The following KATNIP variants were observed in gnomAD, a reference collection of about 807,000 sequenced individuals.
KATNIP encodes the protein katanin interacting protein.
In KATNIP, 126 loss-of-function variants were observed where a neutral mutation model predicts 174.0. That is an observed-to-expected ratio of 0.72 (90% CI 0.63 to 0.84). The LOEUF (loss-of-function observed/expected upper bound fraction) is 0.84. Ranked by LOEUF, KATNIP falls within the 40% of genes least tolerant of loss-of-function variation. The pLI is 0.00. For synonymous variants in KATNIP, 810 were observed against 835.7 expected (o/e 0.97, Z 0.53); for missense variants, 1,958 against 2,109.7 (o/e 0.93, Z 1.41).
At chr16:27,662,331 C>T (rs2077555399) in intron 6 of KATNIP, among the ~76,000 whole-genome samples, 1 of 151,788 alleles carries the variant, frequency 6.6e-6, no homozygotes, top group Non-Finnish European at 1.5e-5. Context: ...ATAATGAAAG[C>T]TTTGTCAGTT....
chr16:27,575,786 C>G (rs2090475539), intron 2 of KATNIP, among the ~76,000 whole-genome samples: 1 of 152,216 alleles, frequency 6.6e-6, no homozygotes, highest in African/African-American at 2.4e-5. Context: ...ATCAGCCCAT[C>G]TAGGATGAGG....
At chr16:27,701,386 C>T (rs1034842588) in intron 10 of KATNIP, 8 of 495,124 alleles carry the variant, frequency 1.6e-5, no homozygotes, top group East Asian at 3.2e-5. Flanking sequence ...TTCCTAGGAG[C>T]GCCCTGGTCC....
intron 18 of KATNIP, among the ~76,000 whole-genome samples, chr16:27,756,893 C>G (rs2081752347): frequency 6.6e-6 from 1 of 152,180 alleles, no homozygotes; most frequent in Non-Finnish European, 1.5e-5. Context: ...TCTTGACATT[C>G]TCCCATTCAA....
At chr16:27,694,791 C>CAATAAATA (rs57439444) in intron 8 of KATNIP, among the ~76,000 whole-genome samples, 5,302 of 148,810 alleles carry the variant, frequency 0.036, 139 homozygotes, top group East Asian at 0.11. Flanking sequence ...GACCCTACCA[C>CAATAAATA]AATAAATAAA....
chr16:27,774,775 G>A lies in KATNIP; in HGVS notation c.4310-170G>A, dbSNP rs117946835. ...AGACACACCTGCTCCCCTTGGGCCCGGCACTCCCCGTTTCCCCAGGACACG... is the reference window on the plus strand; with the variant it reads ...AGACACACCTGCTCCCCTTGGGCCCAGCACTCCCCGTTTCCCCAGGACACG... On this transcript the variant is annotated intron_variant, in intron 23 of 27. Transcript: ENST00000261588. 4.5e-3 allele frequency among the ~76,000 whole-genome samples: 685 copies of A among 152,160 alleles called. 4 individuals carry two copies. Among genetic ancestry groups the A allele is most frequent in the Non-Finnish European group, 7.3e-3 (493 of 68,000 alleles).
intron 6 of KATNIP, among the ~76,000 whole-genome samples, chr16:27,673,576 T>A (rs1361439765): frequency 6.6e-6 from 1 of 152,224 alleles, no homozygotes; most frequent in Non-Finnish European, 1.5e-5. Flanking sequence ...TGGATCATTC[T>A]TTGTTGTGGG....
At chr16:27,762,675 G>A (rs926730617) in intron 19 of KATNIP, among the ~76,000 whole-genome samples, 2 of 152,218 alleles carry the variant, frequency 1.3e-5, no homozygotes, top group African/African-American at 2.4e-5. Flanking sequence ...CTCATGCAGA[G>A]TTGGTGGCAG....
In KATNIP at chr16:27,754,417, A is replaced by G. The variant is rs1438680620; in HGVS notation, c.3631+166A>G. The G allele has an allele frequency of 4.8e-6, 3 of 623,458 alleles. No homozygotes were observed. In the African/African-American group the frequency reaches 5.5e-5, roughly 11 times the overall value. The allele number at this position is 623,458 out of a possible 1,614,324, so 38.6% of individuals were successfully genotyped here. Reference sequence around the variant, plus strand: ...TGGAGGCTGAAACCAGCCTGCGCTCAGCTCCCTGGCCCTAGCAGGGCCACC... The same window carrying G: ...TGGAGGCTGAAACCAGCCTGCGCTCGGCTCCCTGGCCCTAGCAGGGCCACC... On this transcript the variant is annotated intron_variant, in intron 18 of 27. Coordinates refer to ENST00000261588, the MANE Select transcript of KATNIP (RefSeq NM_015202.5).
intron 5 of KATNIP, among the ~76,000 whole-genome samples, chr16:27,638,469 T>C (rs1469343819): frequency 2.0e-5 from 3 of 152,168 alleles, no homozygotes; most frequent in Non-Finnish European, 4.4e-5. Context: ...GAAGACAATC[T>C]TTCTATCCTA....
rs528270204 is a variant in KATNIP, at chr16:27,559,589, TG to T, written c.7+9415del. ...GTTTCAGCTACTCGGGAGGCTGAGG[TG>T]GGATCACCTTAGCCCAGGAGGTTGA... On this transcript the variant is annotated intron_variant, in intron 1 of 27. Transcript: ENST00000261588. 1.7e-4 allele frequency among the ~76,000 whole-genome samples: 26 copies of T among 150,810 alleles called. 1 individual carries two copies. In the South Asian group the frequency reaches 5.2e-3, roughly 30 times the overall value.
At chr16:27,673,269 G>A (rs1449134357) in intron 6 of KATNIP, among the ~76,000 whole-genome samples, 2 of 152,178 alleles carry the variant, frequency 1.3e-5, no homozygotes, top group Non-Finnish European at 2.9e-5. Context: ...GTTTTCTAGA[G>A]TACAGAGCAT....
At chr16:27,708,627 G>A (rs1032009796) in intron 12 of KATNIP, 78 bp from the exon 13 acceptor site, 2 of 1,135,342 alleles carry the variant, frequency 1.8e-6, no homozygotes, top group Non-Finnish European at 2.6e-6. Context: ...ACTTTTTGAA[G>A]GCAGTGGTGG....
At chr16:27,680,511 A>T (rs1469310768) in intron 7 of KATNIP, among the ~76,000 whole-genome samples, 1 of 152,142 alleles carries the variant, frequency 6.6e-6, no homozygotes, top group Non-Finnish European at 1.5e-5. Flanking sequence ...GAATTTCTTG[A>T]CATTTTTCAT....
At position 27,563,669 on chromosome 16, in the gene KATNIP, C is replaced by A. The variant is rs554058066; in HGVS notation, c.8-10232C>A. Among the ~76,000 whole-genome samples, 32 of 152,088 alleles carry A rather than the reference C, an allele frequency of 2.1e-4. No individual in the cohort carries two copies. The South Asian group carries it at 2.5e-3, about 12-fold the overall frequency. On this transcript the variant is annotated intron_variant, in intron 1 of 27. Transcript: ENST00000261588. ...CACAGGGAAACATTAGAAGTTCAGG[C>A]AGGCAAGTGGTAGGGTCTGGTTTTT...
chr16:27,676,251 C>A (rs1273189946), intron 6 of KATNIP, among the ~76,000 whole-genome samples: 1 of 152,208 alleles, frequency 6.6e-6, no homozygotes, highest in African/African-American at 2.4e-5. Context: ...CTTTCCACAG[C>A]ACTGTAGGAC....
At position 27,681,532 on chromosome 16, in the gene KATNIP, TAA is replaced by T; in HGVS notation, c.940+3_940+4del. 1 of 1,614,088 alleles carries T rather than the reference TAA, an allele frequency of 6.2e-7. No homozygotes were observed. Among genetic ancestry groups the T allele is most frequent in the Non-Finnish European group, 8.5e-7 (1 of 1,179,986 alleles). ...CAGACCAGGAGAGGATGTGCTCCAG[TAA>T]GAGTTCCGGGGGCCCCTGAGCAGGG... On this transcript the variant is annotated splice_donor_region_variant and intron_variant, in intron 8 of 27. Transcript: ENST00000261588.
At chr16:27,552,499 C>T (rs1199235829) in intron 1 of KATNIP, among the ~76,000 whole-genome samples, 6 of 151,328 alleles carry the variant, frequency 4.0e-5, no homozygotes, top group East Asian at 1.9e-4. Flanking sequence ...CTCAACCTCC[C>T]GAGTAGCTGG....
chr16:27,621,571 C>G (rs1185559845), intron 3 of KATNIP, among the ~76,000 whole-genome samples: 5 of 152,008 alleles, frequency 3.3e-5, no homozygotes, highest in African/African-American at 1.2e-4. Context: ...TCCCAAGCTA[C>G]GTTAGGCCAT....
intron 8 of KATNIP, among the ~76,000 whole-genome samples, chr16:27,684,583 C>T (rs553108879): frequency 2.0e-5 from 3 of 152,290 alleles, no homozygotes; most frequent in South Asian, 4.1e-4. Context: ...GCAGCCATAA[C>T]GAAGTACCAC....
Sources: gnomAD v4.1 joint callset for allele counts (sites outside exome capture counted in the v4.1 genomes callset) on GRCh38, gnomAD v4.1.1 for gene constraint, MANE v1.5 for transcripts, NCBI Gene and HGNC (gene_info 2026-07-23, HGNC 2026-07-21) for gene names.